Variants in CSMD1 observed in about 807,000 individuals in gnomAD.
CSMD1 encodes the protein CUB and sushi domain-containing protein 1.
A neutral mutation model predicts 417.5 loss-of-function variants in CSMD1; 213 were observed. The ratio of observed to expected loss-of-function variants is 0.51; its 90% CI spans 0.46 to 0.57. CSMD1 has a LOEUF of 0.57. CSMD1 is among the 20% of genes least tolerant of loss of function. CSMD1 has a pLI of 0.00. For missense variants in CSMD1, 6,923 were observed against 4,529.7 expected (o/e 1.53, Z -15.17); for synonymous variants, 2,862 against 1,736.8 (o/e 1.65, Z -16.11).
chr8:4,623,824 G>C lies in CSMD1; in HGVS notation c.302+13518C>G, dbSNP rs1272936546. 3.9e-5 allele frequency among the ~76,000 whole-genome samples: 6 copies of C among 152,140 alleles called. No homozygotes were observed. The East Asian group carries it at 1.2e-3, about 29-fold the overall frequency. On this transcript the variant is annotated intron_variant, in intron 2 of 69. Coordinates refer to ENST00000635120, the MANE Select transcript of CSMD1 (RefSeq NM_033225.6). Reference sequence around the variant, plus strand: ...CATAGTGACAGAAAACAGTTCAGTGGTGTGCTGGCAACAAAACTTAGAACA... The same window carrying C: ...CATAGTGACAGAAAACAGTTCAGTGCTGTGCTGGCAACAAAACTTAGAACA...
chr8:4,400,774 T>C (rs1435199516), intron 3 of CSMD1, among the ~76,000 whole-genome samples: 1 of 151,758 alleles, frequency 6.6e-6, no homozygotes, highest in East Asian at 1.9e-4. Flanking sequence ...TTTTTTTTTT[T>C]TTCCTTTTTA....
intron 5 of CSMD1, 112 bp downstream of exon 5, chr8:3,997,791 C>T: frequency 2.2e-6 from 2 of 928,280 alleles, no homozygotes; most frequent in Non-Finnish European, 3.2e-6. Context: ...AAAAAAGGAA[C>T]ACACATGCTT....
intron 1 of CSMD1, among the ~76,000 whole-genome samples, chr8:4,747,171 G>A (rs1005918199): frequency 5.9e-5 from 9 of 152,096 alleles, no homozygotes; most frequent in African/African-American, 2.2e-4. Context: ...TAGGGGGAGA[G>A]GAAAGGAGTC....
At chr8:2,993,071 G>C (rs1222506402) in intron 54 of CSMD1, among the ~76,000 whole-genome samples, 1 of 152,142 alleles carries the variant, frequency 6.6e-6, no homozygotes, top group African/African-American at 2.4e-5. Flanking sequence ...CTGAAAGAAA[G>C]GATTGTCCAA....
intron 3 of CSMD1, among the ~76,000 whole-genome samples, chr8:4,208,345 C>G (rs2131277827): frequency 6.6e-6 from 1 of 152,238 alleles, no homozygotes; most frequent in Non-Finnish European, 1.5e-5. Context: ...TATTTGAATC[C>G]TTCCTGGAGT....
chr8:3,789,978 A>C (rs981525848), intron 5 of CSMD1, among the ~76,000 whole-genome samples: 3 of 151,964 alleles, frequency 2.0e-5, no homozygotes, highest in African/African-American at 7.3e-5. Context: ...TGATCCGCCC[A>C]CCTCGGCCTC....
chr8:3,315,264 G>A lies in CSMD1; in HGVS notation c.3632-6761C>T, dbSNP rs538780545. Among the ~76,000 whole-genome samples, 8 of 152,266 alleles carry A rather than the reference G, an allele frequency of 5.3e-5. No homozygotes were observed. The East Asian group carries it at 1.2e-3, about 22-fold the overall frequency. ...AACTCTATTTGGATTCATCTGAATA[G>A]GAAGGGAGTTTCAAAGGTAATTGGT... On this transcript the variant is annotated intron_variant, in intron 23 of 69. Coordinates refer to ENST00000635120, the MANE Select transcript of CSMD1 (RefSeq NM_033225.6).
chr8:4,909,322 TCC>T (rs1805507310), intron 1 of CSMD1, among the ~76,000 whole-genome samples: 1 of 89,142 alleles, frequency 1.1e-5, no homozygotes, highest in Admixed American at 1.7e-4. Context: ...GCAAAATACC[TCC>T]TTTTACCTCC....
intron 5 of CSMD1, among the ~76,000 whole-genome samples, chr8:3,775,009 C>T (rs1798822735): frequency 6.6e-6 from 1 of 151,904 alleles, no homozygotes; most frequent in Admixed American, 6.6e-5. Flanking sequence ...CCCGGCAGGA[C>T]CAAGCAGGAT....
intron 5 of CSMD1, among the ~76,000 whole-genome samples, chr8:3,809,989 G>A (rs373583821): frequency 6.6e-6 from 1 of 152,226 alleles, no homozygotes; most frequent in Admixed American, 6.5e-5. Context: ...GGCCAAAATA[G>A]ACACCAGCTC....
intron 1 of CSMD1, among the ~76,000 whole-genome samples, chr8:4,897,253 T>C (rs1024844845): frequency 6.6e-6 from 1 of 151,986 alleles, no homozygotes; most frequent in African/African-American, 2.4e-5. Flanking sequence ...AATCCTTTCA[T>C]CGTATCAACC....
At chr8:2,939,889 A>G (rs910005596) in intron 69 of CSMD1, among the ~76,000 whole-genome samples, 3 of 152,186 alleles carry the variant, frequency 2.0e-5, no homozygotes, top group Non-Finnish European at 4.4e-5. Flanking sequence ...TGTTCACTCA[A>G]TCGTCCAGAT....
At chr8:3,632,206 T>C (rs908806640) in intron 7 of CSMD1, among the ~76,000 whole-genome samples, 5 of 152,190 alleles carry the variant, frequency 3.3e-5, no homozygotes, top group Admixed American at 2.6e-4. Flanking sequence ...ACTTTGGCAA[T>C]AATTTTAGAA....
intron 3 of CSMD1, among the ~76,000 whole-genome samples, chr8:4,098,732 T>C (rs966266798): frequency 5.3e-5 from 8 of 152,206 alleles, no homozygotes; most frequent in African/African-American, 9.6e-5. Flanking sequence ...CATTCAGCAA[T>C]ATTTATCCCT....
intron 6 of CSMD1, among the ~76,000 whole-genome samples, chr8:3,710,657 C>A (rs1034656765): frequency 1.3e-5 from 2 of 152,132 alleles, no homozygotes; most frequent in Non-Finnish European, 2.9e-5. Flanking sequence ...GACTCTACCC[C>A]TCAGAGTCCC....
At chr8:4,865,720 T>C (rs1319428270) in intron 1 of CSMD1, among the ~76,000 whole-genome samples, 2 of 151,902 alleles carry the variant, frequency 1.3e-5, no homozygotes, top group Admixed American at 1.3e-4. Flanking sequence ...ATGCAAAATG[T>C]ATCTAAATTT....
intron 46 of CSMD1, among the ~76,000 whole-genome samples, chr8:3,098,656 G>T (rs1815509116): frequency 6.6e-6 from 1 of 152,146 alleles, no homozygotes; most frequent in Admixed American, 6.5e-5. Context: ...TCATCGCTTT[G>T]TAAAATACAC....
chr8:4,856,962 C>G (rs1392690508), intron 1 of CSMD1, among the ~76,000 whole-genome samples: 1 of 151,710 alleles, frequency 6.6e-6, no homozygotes, highest in South Asian at 2.1e-4. Context: ...ACAGAATATA[C>G]ATTTTTTTCA....
chr8:4,991,546 C>G (rs925810564), intron 1 of CSMD1, among the ~76,000 whole-genome samples: 1 of 152,188 alleles, frequency 6.6e-6, no homozygotes, highest in Non-Finnish European at 1.5e-5. Context: ...AGCCGCCACC[C>G]GGGCGCGCGC....
Sources: allele counts gnomAD v4.1 joint callset (sites outside exome capture counted in the v4.1 genomes callset), GRCh38; gene constraint gnomAD v4.1.1; transcripts MANE v1.5; gene names NCBI Gene and HGNC (gene_info 2026-07-23, HGNC 2026-07-21).